Variants in OARD1 observed in about 807,000 individuals in gnomAD.
The protein encoded by OARD1 is ADP-ribose glycohydrolase OARD1.
In OARD1, 19 loss-of-function variants were observed where a neutral mutation model predicts 19.7. That is an observed-to-expected ratio of 0.96 (90% CI 0.67 to 1.41). OARD1 has a LOEUF of 1.41. Ranked by LOEUF, OARD1 falls within the 40% of genes most tolerant of loss-of-function variation. OARD1 has a pLI of 0.00. For missense variants in OARD1, 190 were observed against 183.8 expected, an observed-to-expected ratio of 1.03 and a Z score of -0.20; for synonymous variants, 70 against 61.8, an observed-to-expected ratio of 1.13 and a Z score of -0.62.
rs1491472085 is a variant in OARD1, at chr6:41,080,157, TTA to T, written c.-41-8484_-41-8483del. On this transcript the variant is annotated intron_variant, in intron 1 of 4. Transcript: ENST00000480585. ...GCAGTCCAGTTGGGTAGAAATAATCTTAGTTTTGAAGCTGGGCATGGTGCTGC... is the reference window on the plus strand; with the variant it reads ...GCAGTCCAGTTGGGTAGAAATAATCTGTTTTGAAGCTGGGCATGGTGCTGC... Among the ~76,000 whole-genome samples, 20 of 152,314 alleles carry T rather than the reference TTA, an allele frequency of 1.3e-4. 1 individual carries two copies. Among genetic ancestry groups the T allele is most frequent in the East Asian group, 3.9e-4 (2 of 5,190 alleles).
At chr6:41,073,525 T>C (rs1012361855), upstream of OARD1, among the ~76,000 whole-genome samples, 35 of 151,890 alleles carry the variant, frequency 2.3e-4, no homozygotes, top group African/African-American at 8.0e-4. Context: ...CTCTCCACTC[T>C]CCGGCCCTTG....
At chr6:41,068,977 T>G (rs965757703) in intron 4 of OARD1, 24 bp from the exon 5 acceptor site, 1 of 1,314,472 alleles carries the variant, frequency 7.6e-7, no homozygotes. Context: ...ATTCAAACTT[T>G]CATCATCCCA....
intron 1 of OARD1, chr6:41,080,937 T>G: frequency 6.7e-7 from 1 of 1,500,820 alleles, no homozygotes; most frequent in African/African-American, 1.4e-5. Flanking sequence ...CTGCATGAAC[T>G]TCTCCTCTCC....
Position 41,093,154 on chromosome 6 carries a change from A to C in OARD1, c.-42+4559T>G, listed in dbSNP as rs1396482372. ...GGTTCTACTTTTGAAATTATCTTTT[A>C]TATGGCTTGTTTTCTCACGTACCTT... On this transcript the variant is annotated intron_variant, in intron 1 of 4. Transcript: ENST00000480585. 18 of 1,414,372 alleles carry C rather than the reference A, an allele frequency of 1.3e-5. No individual in the cohort carries two copies. The East Asian group carries it at 3.5e-4, about 28-fold the overall frequency. 87.6% of individuals were successfully genotyped at this position (1,414,372 alleles called of 1,614,324 possible).
Position 41,080,919 on chromosome 6 carries a change from T to G in OARD1, c.-41-9244A>C. On this transcript the variant is annotated intron_variant, in intron 1 of 4. Transcript: ENST00000480585. ...GGTAGTGGTACCCTCTCTGATTCTC[T>G]GTGAGCACTGCATGAACTTCTCCTC... 1 of 1,585,340 alleles carries G rather than the reference T, an allele frequency of 6.3e-7. No homozygotes were observed. Among genetic ancestry groups the G allele is most frequent in the Non-Finnish European group, 8.7e-7 (1 of 1,154,050 alleles).
intron 1 of OARD1, among the ~76,000 whole-genome samples, chr6:41,095,556 G>A (rs925470851): frequency 7.2e-5 from 11 of 151,988 alleles, no homozygotes; most frequent in South Asian, 2.1e-4. Context: ...TTAGGCTCCC[G>A]AGTAGCTGGG....
At chr6:41,078,020 A>C (rs1179167314) in intron 1 of OARD1, among the ~76,000 whole-genome samples, 1 of 152,164 alleles carries the variant, frequency 6.6e-6, no homozygotes, top group African/African-American at 2.4e-5. Context: ...TTATTCTAGA[A>C]ATAAGAATTT....
upstream of OARD1, among the ~76,000 whole-genome samples, chr6:41,074,107 G>T (rs182176178): frequency 1.7e-3 from 260 of 152,088 alleles, 3 homozygotes; most frequent in East Asian, 0.021. Flanking sequence ...AGTTTTGGGG[G>T]TTTTTTTTCC....
intron 2 of OARD1, 121 bp downstream of exon 2, chr6:41,071,475 G>T: frequency 9.3e-7 from 1 of 1,077,338 alleles, no homozygotes; most frequent in Non-Finnish European, 1.4e-6. Context: ...CCTTTTTAAA[G>T]TAAATCAGCT....
chr6:41,088,243 C>G (rs1764098175), intron 1 of OARD1, among the ~76,000 whole-genome samples: 1 of 151,628 alleles, frequency 6.6e-6, no homozygotes, highest in Non-Finnish European at 1.5e-5. Flanking sequence ...ACAGTGAAAC[C>G]CCGTCTCTAC....
At position 41,067,452 on chromosome 6, in the gene OARD1, A is replaced by G. The variant is rs766805550; in HGVS notation, c.357-15T>C. 7.1e-6 allele frequency: 11 copies of G among 1,550,322 alleles called. No individual in the cohort carries two copies. The highest frequency in any genetic ancestry group is 4.5e-5 in the East Asian group (2 of 44,540). Reference sequence around the variant, plus strand: ...CACATCCAATCCTGAAAAAGACAAAATATCTCCATTGATGGTAACGAAAGT... The same window carrying G: ...CACATCCAATCCTGAAAAAGACAAAGTATCTCCATTGATGGTAACGAAAGT... On this transcript the variant is annotated splice_polypyrimidine_tract_variant and intron_variant, in intron 5 of 5. Transcript: ENST00000424266.
chr6:41,069,713 A>G, intron 4 of OARD1: 1 of 280,446 alleles, frequency 3.6e-6, no homozygotes, highest in Non-Finnish European at 6.8e-6. Flanking sequence ...ATGGAATAAG[A>G]GAAAAGCTCC....
In OARD1 at chr6:41,094,962, T is replaced by C. The variant is rs568818282; in HGVS notation, c.-42+2751A>G. On this transcript the variant is annotated intron_variant, in intron 1 of 4. Transcript: ENST00000480585. ...AGGTTTTATTACCCCATCACAAATATAATTTGAATGTTTACTTTTTTCCCT... is the reference window on the plus strand; with the variant it reads ...AGGTTTTATTACCCCATCACAAATACAATTTGAATGTTTACTTTTTTCCCT... 3.9e-5 allele frequency among the ~76,000 whole-genome samples: 6 copies of C among 152,350 alleles called. No individual in the cohort carries two copies. The East Asian group carries it at 1.2e-3, about 29-fold the overall frequency.
chr6:41,097,443 A>T, intron 1 of OARD1: 1 of 1,608,236 alleles, frequency 6.2e-7, no homozygotes, highest in African/African-American at 1.3e-5. Context: ...GATCAAGGTC[A>T]TGTTTCTCAC....
At chr6:41,096,758 G>C (rs1212925201) in intron 1 of OARD1, among the ~76,000 whole-genome samples, 1 of 152,202 alleles carries the variant, frequency 6.6e-6, no homozygotes, top group Non-Finnish European at 1.5e-5. Context: ...TCTTAAGTGA[G>C]AAACAGCATA....
intron 1 of OARD1, among the ~76,000 whole-genome samples, chr6:41,096,040 T>A (rs1318526207): frequency 1.3e-5 from 2 of 152,180 alleles, no homozygotes; most frequent in Non-Finnish European, 2.9e-5. Flanking sequence ...TAATCTCCAG[T>A]CTCCTCTAAT....
intron 1 of OARD1, chr6:41,091,659 G>T (rs1381986611): frequency 1.2e-6 from 2 of 1,614,042 alleles, no homozygotes; most frequent in South Asian, 2.2e-5. Context: ...ACTACCAGTG[G>T]CAGGCAATGT....
chr6:41,097,521 A>G, intron 1 of OARD1: 1 of 1,101,346 alleles, frequency 9.1e-7, no homozygotes, highest in Non-Finnish European at 1.3e-6. Context: ...TTACTACAGG[A>G]CAGAAACCAC....
At chr6:41,071,303 A>G (rs374146981) in intron 2 of OARD1, 27 bp from the exon 3 acceptor site, 3 of 1,606,480 alleles carry the variant, frequency 1.9e-6, no homozygotes, top group Non-Finnish European at 2.6e-6. Context: ...GGAAAAGACA[A>G]TGTTTTATTA....
Sources: allele counts gnomAD v4.1 joint callset (sites outside exome capture counted in the v4.1 genomes callset), GRCh38; gene constraint gnomAD v4.1.1; transcripts MANE v1.5; gene names NCBI Gene and HGNC (gene_info 2026-07-23, HGNC 2026-07-21).